Variants in FAM81A observed in about 807,000 individuals in gnomAD.
The protein encoded by FAM81A is protein FAM81A.
A neutral mutation model predicts 46.7 loss-of-function variants in FAM81A; 19 were observed. The observed-to-expected ratio is 0.41, with a 90% CI of 0.28 to 0.60. FAM81A has a LOEUF of 0.60. Ranked by LOEUF, FAM81A falls within the 20% of genes least tolerant of loss-of-function variation. FAM81A has a pLI of 0.34. For missense variants in FAM81A, 377 were observed against 453.5 expected, an observed-to-expected ratio of 0.83 and a Z score of 1.53; for synonymous variants, 183 against 152.9, an observed-to-expected ratio of 1.20 and a Z score of -1.45.
At chr15:59,458,839 G>A (rs746212479) in intron 2 of FAM81A, among the ~76,000 whole-genome samples, 193 bp downstream of exon 2, 28 of 152,248 alleles carry the variant, frequency 1.8e-4, no homozygotes, top group Admixed American at 9.8e-4. Flanking sequence ...AGATTTCACA[G>A]TAGTCCTACA....
intron 1 of FAM81A, among the ~76,000 whole-genome samples, chr15:59,441,562 C>G (rs2081298007): frequency 6.6e-6 from 1 of 152,260 alleles, no homozygotes; most frequent in African/African-American, 2.4e-5. Flanking sequence ...TCTTTGTCCA[C>G]TCACCTATTC....
At chr15:59,423,986 CT>C (rs1214763571) in intron 2 of FAM81A, among the ~76,000 whole-genome samples, 3 of 152,300 alleles carry the variant, frequency 2.0e-5, no homozygotes, top group Admixed American at 6.5e-5. Flanking sequence ...GCTCCTTTCA[CT>C]GCGGAACTTC....
rs188953421 is a variant in FAM81A at position 59,478,702 on chromosome 15, C to T, written c.295-13569C>T. 1.6e-3 allele frequency among the ~76,000 whole-genome samples: 240 copies of T among 152,232 alleles called. 1 individual carries two copies. The highest frequency in any genetic ancestry group is 5.2e-3 in the African/African-American group (214 of 41,538). ...TGTGGCGTGTTGTATGCCTTGACTTCGGGGGAGAAGACAGTAAATTGAATG... is the reference window on the plus strand; with the variant it reads ...TGTGGCGTGTTGTATGCCTTGACTTTGGGGGAGAAGACAGTAAATTGAATG... On this transcript the variant is annotated intron_variant, in intron 3 of 8. Coordinates refer to ENST00000288228, the MANE Select transcript of FAM81A (RefSeq NM_152450.3).
chr15:59,501,330 A>G (rs2082088457), intron 4 of FAM81A, among the ~76,000 whole-genome samples: 1 of 152,194 alleles, frequency 6.6e-6, no homozygotes, highest in African/African-American at 2.4e-5. Context: ...CTCTGTTGAT[A>G]TCACACCCAA....
intron 4 of FAM81A, among the ~76,000 whole-genome samples, chr15:59,502,048 A>G (rs2082096564): frequency 6.6e-6 from 1 of 151,546 alleles, no homozygotes; most frequent in South Asian, 2.1e-4. Context: ...AAATTACAAA[A>G]CTCACCAATT....
intron 3 of FAM81A, among the ~76,000 whole-genome samples, chr15:59,484,773 A>G (rs2081897178): frequency 6.6e-6 from 1 of 152,158 alleles, no homozygotes; most frequent in Non-Finnish European, 1.5e-5. Flanking sequence ...TCTTTAGCTT[A>G]GGTACCAGCT....
intron 6 of FAM81A, among the ~76,000 whole-genome samples, 184 bp from the exon 7 acceptor site, chr15:59,514,105 A>AG (rs2082242358): frequency 2.0e-5 from 3 of 152,174 alleles, no homozygotes; most frequent in African/African-American, 7.2e-5. Flanking sequence ...GAGCATCAGG[A>AG]AAAATAGCTA....
chr15:59,514,352 G>A lies in FAM81A; in HGVS notation c.714G>A (p.Gln238=). 1 of 1,613,708 alleles carries A rather than the reference G, an allele frequency of 6.2e-7. No homozygotes were observed. The highest frequency in any genetic ancestry group is 8.5e-7 in the Non-Finnish European group (1 of 1,179,792). The change falls in exon 7 of 9, where the codon CAG becomes CAA. Residue 238 remains glutamine (Q), a synonymous_variant. Coordinates refer to ENST00000288228, the MANE Select transcript of FAM81A (RefSeq NM_152450.3). ...QILSARSWLQ[Q]EQERIEKELL... is the part of the protein sequence containing the mutation. ...TATCTGCACGGAGTTGGTTGCAACA[G>A]GAACAAGAACGGATAGAAAAAGAGC...
intron 2 of FAM81A, among the ~76,000 whole-genome samples, chr15:59,417,381 AAAAC>A (rs150728195): frequency 0.024 from 3,573 of 151,268 alleles, 48 homozygotes; most frequent in Non-Finnish European, 0.032. Context: ...TAGCTATTTA[AAAAC>A]AAACAAACAA....
chr15:59,492,755 T>C (rs192960492), intron 4 of FAM81A, among the ~76,000 whole-genome samples: 279 of 152,330 alleles, frequency 1.8e-3, no homozygotes, highest in Non-Finnish European at 3.1e-3. Context: ...TTTATTTTAT[T>C]TTCGGAAAGT....
At chr15:59,427,354 G>A (rs1413367613) in intron 2 of FAM81A, among the ~76,000 whole-genome samples, 1 of 146,608 alleles carries the variant, frequency 6.8e-6, no homozygotes, top group African/African-American at 2.5e-5. Flanking sequence ...CAAGTGATTT[G>A]CTTGTCTCAG....
intron 1 of FAM81A, among the ~76,000 whole-genome samples, chr15:59,442,907 T>C (rs1388786795): frequency 1.3e-5 from 2 of 152,172 alleles, no homozygotes; most frequent in Admixed American, 1.3e-4. Context: ...TGATACACCT[T>C]TGTCCACCTA....
At chr15:59,425,018 A>G (rs1294544907) in intron 2 of FAM81A, among the ~76,000 whole-genome samples, 1 of 151,928 alleles carries the variant, frequency 6.6e-6, no homozygotes, top group Non-Finnish European at 1.5e-5. Flanking sequence ...CTCCTCTGGT[A>G]CTCCTCTTTT....
chr15:59,439,808 C>G (rs760941836), intron 1 of FAM81A: 1 of 152,212 alleles, frequency 6.6e-6, no homozygotes, highest in Admixed American at 6.5e-5. Context: ...TAATGAGCCA[C>G]ACTACATGGT....
At chr15:59,513,985 C>G (rs1356087734) in intron 6 of FAM81A, among the ~76,000 whole-genome samples, 1 of 151,280 alleles carries the variant, frequency 6.6e-6, no homozygotes, top group Non-Finnish European at 1.5e-5. Flanking sequence ...AACAGAAAAC[C>G]AAACACCACA....
chr15:59,423,356 C>T (rs951546907), intron 2 of FAM81A, among the ~76,000 whole-genome samples: 5 of 152,190 alleles, frequency 3.3e-5, no homozygotes, highest in Admixed American at 6.5e-5. Context: ...CCTCGGCCTC[C>T]CAAAGTGCTG....
chr15:59,457,945 T>G (rs781543597), intron 1 of FAM81A, among the ~76,000 whole-genome samples: 1 of 152,228 alleles, frequency 6.6e-6, no homozygotes, highest in Non-Finnish European at 1.5e-5. Context: ...CAAATGTTCC[T>G]TATATGCAAG....
rs1288349455 is a variant in FAM81A at position 59,522,901 on chromosome 15, A to G, written c.*1523A>G. The G allele has an allele frequency of 6.6e-6, 1 of 152,536 alleles. No individual in the cohort carries two copies. Among genetic ancestry groups the G allele is most frequent in the East Asian group, 1.9e-4 (1 of 5,192 alleles). The allele number at this position is 152,536 out of a possible 1,614,324, so 9.4% of individuals were successfully genotyped here. On this transcript the variant is annotated 3_prime_UTR_variant, in exon 9 of 9. Transcript: ENST00000288228. ...TTTTCAAATTTGGACATGAGAGGTT[A>G]TATAGGGACTATATTATCCAACACA...
rs1487272978 is a variant in FAM81A at position 59,461,650 on chromosome 15, G to A, written c.294+1444G>A. 2.6e-5 allele frequency among the ~76,000 whole-genome samples: 4 copies of A among 152,158 alleles called. No homozygotes were observed. In the East Asian group the frequency reaches 7.7e-4, roughly 29 times the overall value. ...CTCTCTCATTTAGCATAATCTTTCT[G>A]CGGTTCAGACATATCCTAGCATGTA... is the stretch of plus-strand genomic sequence containing the variant. On this transcript the variant is annotated intron_variant, in intron 3 of 8. Transcript: ENST00000288228.
Sources: allele counts gnomAD v4.1 joint callset (sites outside exome capture counted in the v4.1 genomes callset), GRCh38; gene constraint gnomAD v4.1.1; transcripts MANE v1.5; gene names NCBI Gene and HGNC (gene_info 2026-07-23, HGNC 2026-07-21).